The following FAM120B variants were observed in gnomAD, a reference collection of about 807,000 sequenced individuals.
FAM120B encodes constitutive coactivator of peroxisome proliferator-activated receptor gamma.
A neutral mutation model predicts 96.3 loss-of-function variants in FAM120B; 83 were observed. That is an observed-to-expected ratio of 0.86 (90% CI 0.72 to 1.03). FAM120B has a LOEUF of 1.03. FAM120B is among the 50% of genes least tolerant of loss of function. The probability of loss-of-function intolerance (pLI) is 0.00; values close to 1 mark genes in which losing one functional copy is unlikely to be tolerated. For synonymous variants in FAM120B, 407 were observed against 402.7 expected, an observed-to-expected ratio of 1.01 and a Z score of -0.13; for missense variants, 1,027 against 1,121.2, an observed-to-expected ratio of 0.92 and a Z score of 1.20.
upstream of FAM120B, among the ~76,000 whole-genome samples, chr6:170,304,491 C>CTTCTATCT (rs1554275380): frequency 6.6e-6 from 1 of 152,046 alleles, no homozygotes. Context: ...GAAGATTTTC[C>CTTCTATCT]TTCTCTTTTA....
chr6:170,330,324 C>T (rs1231281273), intron 3 of FAM120B, 125 bp from the exon 4 acceptor site: 4 of 643,734 alleles, frequency 6.2e-6, no homozygotes, highest in South Asian at 1.9e-5. Context: ...CTTAAGGTTA[C>T]TCAGTCACCT....
intron 1 of FAM120B, among the ~76,000 whole-genome samples, chr6:170,308,763 C>G (rs1202313775): frequency 6.6e-6 from 1 of 152,208 alleles, no homozygotes; most frequent in East Asian, 1.9e-4. Flanking sequence ...TTTTGTCCTT[C>G]AGACACCTTC....
chr6:170,348,854 C>G (rs1012031731), intron 5 of FAM120B, among the ~76,000 whole-genome samples: 4 of 152,168 alleles, frequency 2.6e-5, no homozygotes, highest in Non-Finnish European at 5.9e-5. Flanking sequence ...GTAGCTGCCT[C>G]CTAGGGCTGT....
At chr6:170,389,883 G>A (rs1790392186) in intron 7 of FAM120B, among the ~76,000 whole-genome samples, 1 of 151,948 alleles carries the variant, frequency 6.6e-6, no homozygotes, top group South Asian at 2.1e-4. Context: ...TTTTAATGAG[G>A]AACTAATACT....
intron 9 of FAM120B, among the ~76,000 whole-genome samples, chr6:170,401,394 TG>T (rs1438790026): frequency 2.0e-5 from 3 of 151,664 alleles, no homozygotes; most frequent in African/African-American, 4.8e-5. Flanking sequence ...TGACAGGACA[TG>T]GGGGGCTGGC....
At chr6:170,391,394 G>A (rs139804469) in intron 8 of FAM120B, among the ~76,000 whole-genome samples, 4,029 of 152,210 alleles carry the variant, frequency 0.026, 161 homozygotes, top group African/African-American at 0.088. Context: ...AATGAACCGG[G>A]CGTGTTGGCG....
chr6:170,396,076 G>A (rs1009201786), intron 9 of FAM120B, among the ~76,000 whole-genome samples: 5 of 152,136 alleles, frequency 3.3e-5, no homozygotes, highest in African/African-American at 7.2e-5. Context: ...TAAATACATC[G>A]AGAACTTCAC....
chr6:170,372,642 G>A (rs1789266734), intron 6 of FAM120B, among the ~76,000 whole-genome samples: 2 of 152,216 alleles, frequency 1.3e-5, no homozygotes, highest in African/African-American at 4.8e-5. Context: ...GTTAACTGCA[G>A]TGCTGCTGGG....
At chr6:170,367,343 A>G (rs1329287258) in intron 6 of FAM120B, among the ~76,000 whole-genome samples, 5 of 152,252 alleles carry the variant, frequency 3.3e-5, no homozygotes, top group African/African-American at 1.2e-4. Flanking sequence ...ATGGTTAGGG[A>G]AAAAGTCAAA....
At chr6:170,293,516 C>T (rs1783931008), upstream of FAM120B, among the ~76,000 whole-genome samples, 3 of 152,052 alleles carry the variant, frequency 2.0e-5, no homozygotes, top group African/African-American at 2.4e-5. Context: ...GGCGGCAAAG[C>T]GGAACTGAAA....
chr6:170,330,686 G>C (rs1179300956), intron 4 of FAM120B, 136 bp downstream of exon 4: 2 of 676,888 alleles, frequency 3.0e-6, no homozygotes, highest in African/African-American at 1.8e-5. Flanking sequence ...CTTGGCTCAT[G>C]ATTAATGTAT....
At chr6:170,313,971 T>C (rs1169488598) in intron 1 of FAM120B, among the ~76,000 whole-genome samples, 1 of 152,252 alleles carries the variant, frequency 6.6e-6, no homozygotes, top group Non-Finnish European at 1.5e-5. Flanking sequence ...CCTCACTGTG[T>C]GTGCGTCCAT....
chr6:170,357,970 C>T (rs1788065440), intron 5 of FAM120B, among the ~76,000 whole-genome samples: 1 of 151,954 alleles, frequency 6.6e-6, no homozygotes, highest in African/African-American at 2.4e-5. Context: ...GTTTGTGCAC[C>T]TGTGCGTGTG....
intron 9 of FAM120B, among the ~76,000 whole-genome samples, chr6:170,403,887 G>A (rs965398209): frequency 3.3e-5 from 5 of 152,110 alleles, no homozygotes; most frequent in African/African-American, 7.2e-5. Flanking sequence ...ACCTTCTGCC[G>A]GAGCCCACAC....
chr6:170,295,199 C>T (rs1783968142), upstream of FAM120B: 1 of 513,270 alleles, frequency 1.9e-6, no homozygotes, highest in African/African-American at 2.0e-5. This position sits in a 1 kb window ranked among gnomAD's most constrained non-coding sequence, Gnocchi z 7.8. Flanking sequence ...TTCCTTGCTG[C>T]TTACTTCTTA....
chr6:170,349,640 C>T (rs935731563), intron 5 of FAM120B, among the ~76,000 whole-genome samples: 3 of 152,116 alleles, frequency 2.0e-5, no homozygotes, highest in African/African-American at 7.2e-5. Flanking sequence ...TTTATTTGCT[C>T]AAGACGTAGC....
chr6:170,366,312 G>A (rs567683855), intron 6 of FAM120B, among the ~76,000 whole-genome samples: 3 of 152,288 alleles, frequency 2.0e-5, no homozygotes, highest in Non-Finnish European at 2.9e-5. Context: ...TGGGGGAAGC[G>A]GTTAGGTTCT....
chr6:170,398,109 T>G (rs1262891140), intron 9 of FAM120B, among the ~76,000 whole-genome samples: 3 of 152,232 alleles, frequency 2.0e-5, no homozygotes, highest in Admixed American at 6.5e-5. Context: ...TGTGCCTGCC[T>G]GTCACAGAGG....
At chr6:170,361,216 A>ATATATATATATATATATATATG (rs1788388185) in intron 6 of FAM120B, among the ~76,000 whole-genome samples, 1 of 106,862 alleles carries the variant, frequency 9.4e-6, no homozygotes, top group African/African-American at 3.8e-5. Context: ...ATATATATAT[A>ATATATATATATATATATATATG]TATATATATA....
Sources: allele counts gnomAD v4.1 joint callset (sites outside exome capture counted in the v4.1 genomes callset), GRCh38; gene constraint gnomAD v4.1.1; non-coding constraint Gnocchi (gnomAD v3.1); transcripts MANE v1.5; gene names NCBI Gene and HGNC (gene_info 2026-07-23, HGNC 2026-07-21).